Variants in GPC5 observed in about 807,000 individuals in gnomAD.
The protein encoded by GPC5 is glypican 5, also known as glypican-5.
GPC5 carries 47 observed loss-of-function variants against 53.9 expected under a neutral mutation model. The ratio of observed to expected loss-of-function variants is 0.87; its 90% CI spans 0.69 to 1.11. The LOEUF is 1.11. Among genes scored for constraint, GPC5 ranks in the 50% most tolerant of loss-of-function variants. GPC5 has a pLI of 0.00. For missense variants in GPC5, 748 were observed against 713.1 expected, an observed-to-expected ratio of 1.05 and a Z score of -0.56; for synonymous variants, 286 against 263.3, an observed-to-expected ratio of 1.09 and a Z score of -0.84.
intron 2 of GPC5, among the ~76,000 whole-genome samples, chr13:91,509,706 G>A (rs999416625): frequency 6.6e-6 from 1 of 151,840 alleles, no homozygotes; most frequent in South Asian, 2.1e-4. Flanking sequence ...AGCCATTTTA[G>A]TCACATGGGA....
intron 7 of GPC5, among the ~76,000 whole-genome samples, chr13:92,581,634 G>T (rs1031745142): frequency 8.5e-5 from 13 of 152,050 alleles, no homozygotes; most frequent in African/African-American, 3.1e-4. Flanking sequence ...TTTTGAGTGA[G>T]CTCCATACTG....
chr13:91,454,113 T>C (rs1261743927), intron 2 of GPC5, among the ~76,000 whole-genome samples: 2 of 152,084 alleles, frequency 1.3e-5, no homozygotes, highest in African/African-American at 4.8e-5. Context: ...AATTGGTCTT[T>C]ATTCAACTGT....
chr13:91,682,336 T>A (rs342669), intron 2 of GPC5, among the ~76,000 whole-genome samples: 1 of 151,904 alleles, frequency 6.6e-6, no homozygotes, highest in South Asian at 2.1e-4. Context: ...CAAAAGTTAG[T>A]GATTATTATT....
chr13:92,253,467 G>T (rs1438681409), intron 7 of GPC5, among the ~76,000 whole-genome samples: 1 of 152,038 alleles, frequency 6.6e-6, no homozygotes, highest in Admixed American at 6.6e-5. Flanking sequence ...TACAGAGATA[G>T]AATGAAAATA....
At chr13:91,577,564 T>G (rs994804880) in intron 2 of GPC5, among the ~76,000 whole-genome samples, 10 of 152,198 alleles carry the variant, frequency 6.6e-5, no homozygotes, top group Admixed American at 6.5e-4. Context: ...CCTCACCTAT[T>G]GTTGACTTTC....
chr13:91,455,746 C>A (rs1233255351), intron 2 of GPC5, among the ~76,000 whole-genome samples: 1 of 152,058 alleles, frequency 6.6e-6, no homozygotes, highest in Non-Finnish European at 1.5e-5. Flanking sequence ...ACCTCTGCTC[C>A]CTTGCTTTTA....
intron 7 of GPC5, among the ~76,000 whole-genome samples, chr13:92,724,893 C>CACAT (rs1896956353): frequency 6.7e-6 from 1 of 149,018 alleles, no homozygotes; most frequent in Admixed American, 6.8e-5. Context: ...CACACACACA[C>CACAT]ACACACACAC....
chr13:91,608,842 C>G (rs192376460), intron 2 of GPC5, among the ~76,000 whole-genome samples: 7 of 151,670 alleles, frequency 4.6e-5, no homozygotes, highest in African/African-American at 7.2e-5. Flanking sequence ...ATGGTATTTG[C>G]TGTTAATGAT....
chr13:92,383,962 C>G (rs1442457065), intron 7 of GPC5, among the ~76,000 whole-genome samples: 1 of 152,148 alleles, frequency 6.6e-6, no homozygotes, highest in Admixed American at 6.5e-5. Context: ...TACTCATCAG[C>G]TCCACTACAG....
chr13:91,683,562 G>A (rs2035556005), intron 2 of GPC5, among the ~76,000 whole-genome samples: 1 of 152,106 alleles, frequency 6.6e-6, no homozygotes. Context: ...CTTCCATGCT[G>A]CCATTTACCA....
intron 7 of GPC5, among the ~76,000 whole-genome samples, chr13:92,666,516 T>A (rs1886570893): frequency 1.3e-5 from 2 of 152,006 alleles, no homozygotes; most frequent in Non-Finnish European, 2.9e-5. Context: ...TAATTATACA[T>A]AATCAATATG....
chr13:91,665,460 G>C (rs16946459), intron 2 of GPC5, among the ~76,000 whole-genome samples: 38,095 of 151,746 alleles, frequency 0.25, 6,668 homozygotes, highest in African/African-American at 0.49. Flanking sequence ...ACTACAAGTG[G>C]TAAGACAAAT....
At chr13:92,154,135 GGA>G (rs540984596) in intron 7 of GPC5, among the ~76,000 whole-genome samples, 36 of 152,212 alleles carry the variant, frequency 2.4e-4, no homozygotes, top group Non-Finnish European at 2.9e-4. Flanking sequence ...TGTATCACAT[GGA>G]GAGAGAGGAT....
At chr13:92,693,351 G>C (rs1003179400) in intron 7 of GPC5, among the ~76,000 whole-genome samples, 1 of 152,126 alleles carries the variant, frequency 6.6e-6, no homozygotes, top group African/African-American at 2.4e-5. Flanking sequence ...TAAGATAGGA[G>C]GATGTGGGAA....
intron 7 of GPC5, among the ~76,000 whole-genome samples, chr13:92,297,467 A>G (rs1163520531): frequency 1.5e-5 from 2 of 137,808 alleles, no homozygotes. Flanking sequence ...AAATACACCA[A>G]TCGGCACTCT....
chr13:91,549,029 G>A (rs915982146), intron 2 of GPC5, among the ~76,000 whole-genome samples: 8 of 152,294 alleles, frequency 5.3e-5, no homozygotes, highest in Middle Eastern at 3.4e-3. Context: ...CCAGCACTTT[G>A]GGAGGCCAAG....
At chr13:91,974,037 A>T (rs902253150) in intron 6 of GPC5, among the ~76,000 whole-genome samples, 1 of 152,196 alleles carries the variant, frequency 6.6e-6, no homozygotes, top group African/African-American at 2.4e-5. Context: ...TTAAGTCTGC[A>T]GAGGTTACTG....
chr13:92,648,724 C>T (rs118073433), intron 7 of GPC5, among the ~76,000 whole-genome samples: 3 of 152,168 alleles, frequency 2.0e-5, no homozygotes, highest in African/African-American at 4.8e-5. Context: ...GCTAATTATT[C>T]TATACATAGA....
intron 1 of GPC5, among the ~76,000 whole-genome samples, chr13:91,404,314 T>C (rs1241232070): frequency 6.6e-6 from 1 of 152,234 alleles, no homozygotes; most frequent in Non-Finnish European, 1.5e-5. Context: ...GGTATAACTG[T>C]TCAACCGACA....
Sources: gnomAD v4.1 joint callset for allele counts (sites outside exome capture counted in the v4.1 genomes callset) on GRCh38, gnomAD v4.1.1 for gene constraint, MANE v1.5 for transcripts, NCBI Gene and HGNC (gene_info 2026-07-23, HGNC 2026-07-21) for gene names.